Variants in NCOA1 observed in about 807,000 individuals in gnomAD.
NCOA1 encodes the protein nuclear receptor coactivator 1, also known as Hin-2 protein.
Under a neutral mutation model 150.9 loss-of-function variants are expected in NCOA1, and 35 were observed. The observed-to-expected ratio is 0.23, with a 90% CI of 0.18 to 0.31. The LOEUF (loss-of-function observed/expected upper bound fraction) is 0.31, where lower values mean the gene tolerates loss of function less well. NCOA1 is among the 10% of genes least tolerant of loss of function. NCOA1 has a pLI of 1.00. For missense variants in NCOA1, 1,491 were observed against 1,749.3 expected, an observed-to-expected ratio of 0.85 and a Z score of 2.63; for synonymous variants, 590 against 630.0, an observed-to-expected ratio of 0.94 and a Z score of 0.95.
At chr2:24,713,255 A>T (rs1041730738) in intron 14 of NCOA1, among the ~76,000 whole-genome samples, 1 of 151,074 alleles carries the variant, frequency 6.6e-6, no homozygotes, top group Non-Finnish European at 1.5e-5. Context: ...TAATTAATTA[A>T]TTTTAAAAAT....
chr2:24,634,648 G>A (rs1347068863), intron 3 of NCOA1, among the ~76,000 whole-genome samples: 3 of 145,720 alleles, frequency 2.1e-5, no homozygotes, highest in East Asian at 4.1e-4. Context: ...AGCTGTGGGG[G>A]TTTATTAAGG....
At chr2:24,592,841 G>A (rs768701349) in intron 3 of NCOA1, among the ~76,000 whole-genome samples, 3 of 152,078 alleles carry the variant, frequency 2.0e-5, no homozygotes, top group South Asian at 2.1e-4. Context: ...TAACAGTAAC[G>A]TAGTACCTGG....
intron 4 of NCOA1, among the ~76,000 whole-genome samples, chr2:24,644,340 A>G (rs1670366692): frequency 6.6e-6 from 1 of 152,202 alleles, no homozygotes; most frequent in South Asian, 2.1e-4. Context: ...GAAATCACTT[A>G]TGATGAGACC....
At chr2:24,524,903 C>G (rs1254559097) in intron 1 of NCOA1, among the ~76,000 whole-genome samples, 1 of 152,142 alleles carries the variant, frequency 6.6e-6, no homozygotes, top group East Asian at 1.9e-4. Flanking sequence ...AGCCACTGCA[C>G]CCAGCCTACT....
chr2:24,666,955 A>C (rs1671458967), intron 6 of NCOA1, among the ~76,000 whole-genome samples: 1 of 152,106 alleles, frequency 6.6e-6, no homozygotes, highest in Non-Finnish European at 1.5e-5. Flanking sequence ...TTGAAGAAAC[A>C]ATCCCACAAG....
At chr2:24,668,213 C>A (rs1572566166) in intron 6 of NCOA1, among the ~76,000 whole-genome samples, 1 of 151,096 alleles carries the variant, frequency 6.6e-6, no homozygotes, top group African/African-American at 2.4e-5. Flanking sequence ...ATGATTAATC[C>A]CAGAAAAAGA....
At chr2:24,715,493 G>A (rs896519395) in intron 14 of NCOA1, among the ~76,000 whole-genome samples, 1 of 152,062 alleles carries the variant, frequency 6.6e-6, no homozygotes, top group Non-Finnish European at 1.5e-5. Flanking sequence ...CCTGCATGTA[G>A]AAAATCCTAA....
At chr2:24,615,246 A>C (rs1043124148) in intron 3 of NCOA1, among the ~76,000 whole-genome samples, 1 of 152,232 alleles carries the variant, frequency 6.6e-6, no homozygotes, top group African/African-American at 2.4e-5. Context: ...AGAATAACAC[A>C]GTAGAAATGG....
In NCOA1 at chr2:24,765,329, G is replaced by A. The variant is rs56003216; in HGVS notation, c.4155+2553G>A. ...CCATCCTGGCTAACACGGTGAAACC[G>A]TGTTAAAATACAAAAAAAAATTAGC... is the stretch of plus-strand genomic sequence containing the variant. On this transcript the variant is annotated intron_variant, in intron 22 of 22. Coordinates refer to ENST00000348332, the MANE Select transcript of NCOA1 (RefSeq NM_003743.5). 3.3e-3 allele frequency among the ~76,000 whole-genome samples: 488 copies of A among 147,220 alleles called. 6 individuals are homozygous for A. The highest frequency in any genetic ancestry group is 2.7e-3 in the Non-Finnish European group (182 of 66,538).
chr2:24,623,369 C>T (rs952737929), intron 3 of NCOA1, among the ~76,000 whole-genome samples: 16 of 152,152 alleles, frequency 1.1e-4, no homozygotes, highest in African/African-American at 3.9e-4. Context: ...ATATGGATTA[C>T]CTATGGAATT....
At chr2:24,595,908 A>G (rs757035527) in intron 3 of NCOA1, among the ~76,000 whole-genome samples, 1 of 152,114 alleles carries the variant, frequency 6.6e-6, no homozygotes, top group Non-Finnish European at 1.5e-5. Flanking sequence ...TATATGGTGT[A>G]TGTTCTTACA....
At chr2:24,533,236 T>C (rs770732958) in intron 1 of NCOA1, among the ~76,000 whole-genome samples, 1 of 152,226 alleles carries the variant, frequency 6.6e-6, no homozygotes, top group African/African-American at 2.4e-5. Context: ...AGTTCACTCA[T>C]GATTTGGCTC....
intron 4 of NCOA1, among the ~76,000 whole-genome samples, chr2:24,652,634 C>G (rs1337947218): frequency 6.6e-6 from 1 of 152,042 alleles, no homozygotes; most frequent in Non-Finnish European, 1.5e-5. Context: ...AGGCACAGTT[C>G]TATTTCTTTA....
chr2:24,517,413 A>G (rs1664247144), intron 1 of NCOA1, among the ~76,000 whole-genome samples: 3 of 152,020 alleles, frequency 2.0e-5, no homozygotes, highest in African/African-American at 7.2e-5. Context: ...CCTGGAGTAC[A>G]CATTGCATTT....
At chr2:24,549,659 C>T (rs1438031628) in intron 1 of NCOA1, among the ~76,000 whole-genome samples, 1 of 152,190 alleles carries the variant, frequency 6.6e-6, no homozygotes, top group Non-Finnish European at 1.5e-5. Context: ...CTCCACCTCC[C>T]GCGTTTACGC....
In NCOA1 at chr2:24,770,299, T is replaced by G. The variant is rs1200505190; in HGVS notation, c.*1908T>G. 8.7e-6 allele frequency: 2 copies of G among 230,382 alleles called. No individual in the cohort carries two copies. The highest frequency in any genetic ancestry group is 1.7e-5 in the Non-Finnish European group (2 of 116,112). 14.3% of individuals were successfully genotyped at this position (230,382 alleles called of 1,614,324 possible). A position where few individuals can be genotyped will look rare whatever the true frequency, so the allele number is the denominator to read the frequency against. ...CGCGCAGACTTCAGGAAGTTCACCT[T>G]TAACTTCAGCATTCCAGATGAAGTT... On this transcript the variant is annotated 3_prime_UTR_variant, in exon 23 of 23. Transcript: ENST00000348332.
chr2:24,736,462 G>A (rs1402163004), intron 17 of NCOA1, among the ~76,000 whole-genome samples: 2 of 151,992 alleles, frequency 1.3e-5, no homozygotes, highest in African/African-American at 4.8e-5. Context: ...ACAAATGTAC[G>A]TATCTGACAT....
intron 3 of NCOA1, among the ~76,000 whole-genome samples, chr2:24,619,813 T>C (rs1160097051): frequency 1.3e-5 from 2 of 152,164 alleles, no homozygotes; most frequent in Non-Finnish European, 2.9e-5. Flanking sequence ...ATTACAAAGA[T>C]AATTATAAAA....
At chr2:24,664,471 G>A (rs538574784) in intron 5 of NCOA1, among the ~76,000 whole-genome samples, 2 of 152,260 alleles carry the variant, frequency 1.3e-5, no homozygotes, top group South Asian at 4.1e-4. Flanking sequence ...AACACTTTGG[G>A]AGGCTGAGAC....
Sources: allele counts gnomAD v4.1 joint callset (sites outside exome capture counted in the v4.1 genomes callset), GRCh38; gene constraint gnomAD v4.1.1; transcripts MANE v1.5; gene names NCBI Gene and HGNC (gene_info 2026-07-23, HGNC 2026-07-21).